CACNA2D4: variants seen among roughly 807,000 people sequenced by gnomAD.
CACNA2D4 encodes calcium voltage-gated channel auxiliary subunit alpha2delta 4.
CACNA2D4 carries 157 observed loss-of-function variants against 163.8 expected under a neutral mutation model. The ratio of observed to expected loss-of-function variants is 0.96; its 90% CI spans 0.84 to 1.09. The LOEUF (loss-of-function observed/expected upper bound fraction) is 1.09. Ranked by LOEUF, CACNA2D4 falls within the 50% of genes least tolerant of loss-of-function variation. CACNA2D4 has a pLI of 0.00. For missense variants in CACNA2D4, 1,410 were observed against 1,479.9 expected, an observed-to-expected ratio of 0.95 and a Z score of 0.78; for synonymous variants, 598 against 586.9, an observed-to-expected ratio of 1.02 and a Z score of -0.27.
At chr12:1,880,560 C>T (rs1865972808) in intron 13 of CACNA2D4, among the ~76,000 whole-genome samples, 1 of 152,258 alleles carries the variant, frequency 6.6e-6, no homozygotes, top group Non-Finnish European at 1.5e-5. Flanking sequence ...ATGTGTGCCC[C>T]ACTTTATAAC....
chr12:1,841,468 A>G (rs1865024146), intron 25 of CACNA2D4, among the ~76,000 whole-genome samples: 1 of 152,204 alleles, frequency 6.6e-6, no homozygotes, highest in Non-Finnish European at 1.5e-5. Flanking sequence ...TTCTGGAACA[A>G]TCAGGCCACC....
At chr12:1,877,841 G>T (rs1232140428) in intron 16 of CACNA2D4, among the ~76,000 whole-genome samples, 1 of 152,180 alleles carries the variant, frequency 6.6e-6, no homozygotes, top group African/African-American at 2.4e-5. Flanking sequence ...GCCATCAGAG[G>T]CTCAGTTGAA....
chr12:1,797,430 C>A lies in CACNA2D4; in HGVS notation c.3101G>T (p.Gly1034Val). Residue 1034 changes from glycine (G) to valine (V), a missense_variant, in exon 35 of 38, where the codon GGG (glycine) becomes GTG (valine). Coordinates refer to ENST00000382722, the MANE Select transcript of CACNA2D4 (RefSeq NM_172364.5). The stretch of plus-strand genomic sequence containing the variant: ...CCTGCGGTCTTACTTCTGGCAGGGC[C>A]CGCACTCCACGATCCCGTTGGCCTC... Reference protein sequence around the residue: ...IREANGIVECGPCQKVFVVQQ... With the variant: ...IREANGIVECVPCQKVFVVQQ... 1 of 1,550,220 alleles carries A rather than the reference C, an allele frequency of 6.5e-7. No individual in the cohort carries two copies.
chr12:1,834,394 G>A lies in CACNA2D4; in HGVS notation c.2551+6345C>T, dbSNP rs745866246. The A allele has an allele frequency of 6.2e-7, 1 of 1,613,092 alleles. No individual in the cohort carries two copies. The highest frequency in any genetic ancestry group is 1.1e-5 in the South Asian group (1 of 91,078). The stretch of plus-strand genomic sequence containing the variant: ...AGGACGAGAATAGCTCAGCTGGGCT[G>A]GATATTCCTGGGCCACCCTGCACCA... On this transcript the variant is annotated intron_variant, in intron 26 of 37. Transcript: ENST00000382722. This position sits in a 1 kb window ranked among gnomAD's most constrained non-coding sequence, Gnocchi z 7.6.
intron 19 of CACNA2D4, 28 bp from the exon 20 acceptor site, chr12:1,858,672 T>A (rs1458687451): frequency 1.3e-6 from 2 of 1,558,248 alleles, no homozygotes; most frequent in African/African-American, 2.7e-5. Flanking sequence ...AAGGCACTCA[T>A]TCAGCAGCAG....
At position 1,811,557 on chromosome 12, in the gene CACNA2D4, G is replaced by T. The variant is rs1029218487; in HGVS notation, c.2613+105C>A. 3.2e-5 allele frequency: 38 copies of T among 1,188,698 alleles called. No homozygotes were observed. In the Middle Eastern group the frequency reaches 1.6e-3, roughly 51 times the overall value. 73.6% of individuals were successfully genotyped at this position (1,188,698 alleles called of 1,614,324 possible). On this transcript the variant is annotated intron_variant, in intron 27 of 37. Transcript: ENST00000382722. Reference sequence around the variant, plus strand: ...AGTGTAGGGGCCGGGAGGGCATCCTGAGAGCCTCAAGGCAGTGGAGCATCC... The same window carrying T: ...AGTGTAGGGGCCGGGAGGGCATCCTTAGAGCCTCAAGGCAGTGGAGCATCC...
chr12:1,808,735 C>T (rs941714186), intron 29 of CACNA2D4, among the ~76,000 whole-genome samples: 2 of 152,224 alleles, frequency 1.3e-5, no homozygotes, highest in African/African-American at 4.8e-5. Context: ...CAGTCTCAGT[C>T]ACCCAGGGCG....
intron 37 of CACNA2D4, among the ~76,000 whole-genome samples, chr12:1,794,581 G>A (rs1258706949): frequency 6.6e-6 from 1 of 152,144 alleles, no homozygotes; most frequent in Non-Finnish European, 1.5e-5. Flanking sequence ...CTCAGGCTCC[G>A]TGAGTTGTTA....
chr12:1,831,382 G>C, intron 26 of CACNA2D4: 1 of 1,613,874 alleles, frequency 6.2e-7, no homozygotes, highest in Non-Finnish European at 8.5e-7. Flanking sequence ...CTCTCGCTTC[G>C]CTCCAACCGT....
Position 1,875,241 on chromosome 12 carries a change from C to T in CACNA2D4, c.1806+10G>A. On this transcript the variant is annotated intron_variant, in intron 17 of 37. Coordinates refer to ENST00000382722, the MANE Select transcript of CACNA2D4 (RefSeq NM_172364.5). The surrounding 1 kb of genome is among the most constrained non-coding windows in gnomAD (Gnocchi z 4.0). The stretch of plus-strand genomic sequence containing the variant: ...AACTAGCTTCCCTTCCCCCTATTTT[C>T]CCCACTCACAGATTCAGCCTGGTCT... The T allele has an allele frequency of 6.3e-7, 1 of 1,596,934 alleles. No homozygotes were observed. Among genetic ancestry groups the T allele is most frequent in the South Asian group, 1.1e-5 (1 of 90,724 alleles).
chr12:1,820,325 C>G lies in CACNA2D4; in HGVS notation c.2552-8602G>C, dbSNP rs1020361450. 2 of 152,180 alleles carry G rather than the reference C, an allele frequency of 1.3e-5. No homozygotes were observed. Among genetic ancestry groups the G allele is most frequent in the African/African-American group, 2.4e-5 (1 of 41,434 alleles). 9.4% of individuals were successfully genotyped at this position (152,180 alleles called of 1,614,324 possible). A position where few individuals can be genotyped will look rare whatever the true frequency, so the allele number is the denominator to read the frequency against. On this transcript the variant is annotated intron_variant, in intron 26 of 37. Transcript: ENST00000382722. The surrounding 1 kb of genome is among the most constrained non-coding windows in gnomAD (Gnocchi z 6.0). ...AAACCGCTTTCCTCCTCCCTGTGGT[C>G]GGCAGCGATTCATCCACAGGCGCCT...
At chr12:1,823,717 C>T (rs556611520) in intron 26 of CACNA2D4, among the ~76,000 whole-genome samples, 33 of 152,310 alleles carry the variant, frequency 2.2e-4, no homozygotes, top group Middle Eastern at 3.4e-3. Flanking sequence ...AAGAGGAGAA[C>T]CTGTCTTGCT....
chr12:1,799,546 T>A lies in CACNA2D4; in HGVS notation c.2995+129A>T. ...GTCCCCCAACCCCCAGGAATGGTAC[T>A]TTAAACCAGGAGAGCTCAGCCCTGC... On this transcript the variant is annotated intron_variant, in intron 34 of 37. Transcript: ENST00000382722. The surrounding 1 kb of genome is among the most constrained non-coding windows in gnomAD (Gnocchi z 4.7). The A allele has an allele frequency of 1.0e-6, 1 of 1,000,166 alleles. No homozygotes were observed. Among genetic ancestry groups the A allele is most frequent in the Non-Finnish European group, 1.5e-6 (1 of 661,314 alleles). The allele number at this position is 1,000,166 out of a possible 1,614,324, so 62.0% of individuals were successfully genotyped here.
At chr12:1,815,172 G>A (rs536652102) in intron 26 of CACNA2D4, among the ~76,000 whole-genome samples, 56 of 152,322 alleles carry the variant, frequency 3.7e-4, no homozygotes, top group African/African-American at 7.5e-4. Flanking sequence ...GACTACAGGC[G>A]TGAGTCATTA....
chr12:1,871,624 T>C (rs923274396), intron 18 of CACNA2D4, among the ~76,000 whole-genome samples: 9 of 151,560 alleles, frequency 5.9e-5, no homozygotes, highest in Non-Finnish European at 1.0e-4. Flanking sequence ...CGTGTGTGCA[T>C]GTGTACACGC....
intron 26 of CACNA2D4, among the ~76,000 whole-genome samples, chr12:1,814,705 C>T (rs941661750): frequency 2.0e-5 from 3 of 152,206 alleles, no homozygotes; most frequent in Admixed American, 6.5e-5. Context: ...CCATCTCCAC[C>T]GTTACCACCC....
chr12:1,811,606 C>A, intron 27 of CACNA2D4, 56 bp downstream of exon 27: 1 of 1,526,910 alleles, frequency 6.5e-7, no homozygotes, highest in African/African-American at 1.4e-5. Flanking sequence ...GGGGGTCTCA[C>A]ACCCAGGGGA....
At chr12:1,862,944 G>T (rs189035729) in intron 18 of CACNA2D4, among the ~76,000 whole-genome samples, 2 of 152,156 alleles carry the variant, frequency 1.3e-5, no homozygotes, top group African/African-American at 4.8e-5. Flanking sequence ...ATGAAGTCTA[G>T]TTTATCAGAT....
At chr12:1,848,478 C>T (rs1315826895) in intron 23 of CACNA2D4, among the ~76,000 whole-genome samples, 1 of 152,224 alleles carries the variant, frequency 6.6e-6, no homozygotes, top group East Asian at 1.9e-4. Flanking sequence ...CACACTCTGA[C>T]TGATTAGGGC....
Sources: allele counts gnomAD v4.1 joint callset (sites outside exome capture counted in the v4.1 genomes callset), GRCh38; gene constraint gnomAD v4.1.1; non-coding constraint Gnocchi (gnomAD v3.1); transcripts MANE v1.5; gene names NCBI Gene and HGNC (gene_info 2026-07-23, HGNC 2026-07-21).